The following CES1 variants were observed in gnomAD, a reference collection of about 807,000 sequenced individuals.
The protein encoded by CES1 is liver carboxylesterase 1.
CES1 carries 50 observed loss-of-function variants against 53.0 expected under a neutral mutation model. That is an observed-to-expected ratio of 0.94 (90% CI 0.75 to 1.19). The LOEUF is 1.19. Ranked by LOEUF, CES1 falls within the 50% of genes most tolerant of loss-of-function variation. CES1 has a pLI of 0.00. For synonymous variants in CES1, 202 were observed against 210.1 expected, an observed-to-expected ratio of 0.96 and a Z score of 0.33; for missense variants, 534 against 538.0, an observed-to-expected ratio of 0.99 and a Z score of 0.07.
At chr16:55,810,203 C>T (rs541833700) in intron 11 of CES1, among the ~76,000 whole-genome samples, 4 of 152,296 alleles carry the variant, frequency 2.6e-5, no homozygotes, top group African/African-American at 9.6e-5. Context: ...CTCCAGTTGT[C>T]CACAGTGGAT....
chr16:55,810,657 G>A lies in CES1; in HGVS notation c.1178C>T (p.Ala393Val). ...LWKSYPLVCI[A>V]KELIPEATEK... ...AGTGGCTTCTGGAATCAGTTCCTTA[G>A]CAATGCACTGAAATAGATCAAAAAG... Residue 393 changes from alanine to valine, a missense_variant, in exon 11 of 14, where the codon GCT becomes GTT. Ala to Val is a moderately conservative substitution (Grantham distance 64, BLOSUM62 0). This residue lies in a region of CES1 where 269 missense variants were observed against 206.6 expected (regional missense o/e 1.30). Transcript: ENST00000360526. The A allele has an allele frequency of 6.2e-7, 1 of 1,614,100 alleles. No homozygotes were observed. Among genetic ancestry groups the A allele is most frequent in the Non-Finnish European group, 8.5e-7 (1 of 1,180,006 alleles).
chr16:55,810,786 A>G, intron 10 of CES1, 122 bp from the exon 11 acceptor site: 2 of 1,444,140 alleles, frequency 1.4e-6, no homozygotes, highest in South Asian at 1.1e-5. Context: ...GCTAGGGTGG[A>G]AAATGAAGTG....
At chr16:55,811,281 C>T (rs1477442865) in intron 9 of CES1, among the ~76,000 whole-genome samples, 48 of 149,902 alleles carry the variant, frequency 3.2e-4, no homozygotes, top group African/African-American at 6.1e-4. Context: ...TGTGTGCGCG[C>T]GTGTGTGTGT....
intron 2 of CES1, chr16:55,827,956 T>C (rs2032482559): frequency 6.6e-6 from 1 of 152,264 alleles, no homozygotes; most frequent in Non-Finnish European, 1.5e-5. Context: ...ATTTTCTTAC[T>C]TTCCTTTCTC....
At chr16:55,832,625 AC>A (rs1456185630) in intron 1 of CES1, among the ~76,000 whole-genome samples, 1 of 152,160 alleles carries the variant, frequency 6.6e-6, no homozygotes, top group Non-Finnish European at 1.5e-5. Flanking sequence ...ACTCGAACCC[AC>A]GCACTCTGGC....
chr16:55,811,012 T>TTA lies in CES1; in HGVS notation c.1087-3_1087-2insTA, dbSNP rs1555511768. 7.1e-7 allele frequency: 1 copy of TTA among 1,408,800 alleles called. No individual in the cohort carries two copies. The highest frequency in any genetic ancestry group is 1.7e-5 in the African/African-American group (1 of 59,806). 87.3% of individuals were successfully genotyped at this position (1,408,800 alleles called of 1,614,324 possible). ...GGAGAGTGGATAGCTCATCAACTGC[T>TTA]AAAAAAAAAAAAAAGTTCAGCATTT... is the stretch of plus-strand genomic sequence containing the variant. On this transcript the variant is annotated splice_polypyrimidine_tract_variant and splice_region_variant and intron_variant, in intron 9 of 13. Transcript: ENST00000360526.
intron 1 of CES1, 116 bp from the exon 2 acceptor site, chr16:55,829,090 G>A: frequency 8.7e-7 from 1 of 1,151,270 alleles, no homozygotes; most frequent in Non-Finnish European, 1.3e-6. Context: ...AAACCCTCTA[G>A]GCCTCAGTTT....
intron 8 of CES1, among the ~76,000 whole-genome samples, chr16:55,813,675 C>T (rs1418966990): frequency 6.6e-6 from 1 of 152,166 alleles, no homozygotes; most frequent in Non-Finnish European, 1.5e-5. Flanking sequence ...GCCAGCAGCA[C>T]TGCAGCTCCT....
At chr16:55,828,573 C>A (rs2032506591) in intron 2 of CES1, among the ~76,000 whole-genome samples, 194 bp downstream of exon 2, 1 of 152,112 alleles carries the variant, frequency 6.6e-6, no homozygotes, top group Non-Finnish European at 1.5e-5. Context: ...ACACGCCTGG[C>A]ACACAGCAGG....
At chr16:55,819,265 T>C (rs1328431249) in intron 7 of CES1, among the ~76,000 whole-genome samples, 7 of 152,246 alleles carry the variant, frequency 4.6e-5, no homozygotes, top group Admixed American at 4.6e-4. Context: ...TTTAATTTCT[T>C]AAAAATACAT....
intron 9 of CES1, 95 bp from the exon 10 acceptor site, chr16:55,811,105 T>A: frequency 9.6e-7 from 1 of 1,036,808 alleles, no homozygotes; most frequent in Non-Finnish European, 1.5e-6. Flanking sequence ...AGTCTGAAAG[T>A]CCTCTAATTA....
chr16:55,811,071 C>T, intron 9 of CES1, 61 bp from the exon 10 acceptor site: 1 of 1,392,600 alleles, frequency 7.2e-7, no homozygotes, highest in East Asian at 2.3e-5. Context: ...AAGAAACAAA[C>T]TGACCAACCA....
At chr16:55,824,335 C>T (rs1167288562) in intron 3 of CES1, among the ~76,000 whole-genome samples, 1 of 152,280 alleles carries the variant, frequency 6.6e-6, no homozygotes, top group Admixed American at 6.5e-5. Context: ...AGAGTGGATA[C>T]AATTCCTCAT....
Position 55,811,395 on chromosome 16 carries a change from C to T in CES1, c.1087-385G>A, listed in dbSNP as rs117067158. ...GGGCTCTGGGGAAGAGGATGTAGAC[C>T]TCCCTAGTACCCCCACCTGTCACAG... is the stretch of plus-strand genomic sequence containing the variant. On this transcript the variant is annotated intron_variant, in intron 9 of 13. Transcript: ENST00000360526. Among the ~76,000 whole-genome samples the T allele has an allele frequency of 5.3e-4, 81 of 152,154 alleles. 1 individual carries two copies. Among genetic ancestry groups the T allele is most frequent in the South Asian group, 1.7e-3 (8 of 4,822 alleles).
intron 9 of CES1, 111 bp from the exon 10 acceptor site, chr16:55,811,121 G>C (rs563032675): frequency 3.5e-6 from 3 of 864,204 alleles, no homozygotes; most frequent in Non-Finnish European, 5.7e-6. Flanking sequence ...AATTATGGGG[G>C]CTTTTAAGGG....
At chr16:55,828,320 G>A (rs2032496323) in intron 2 of CES1, 14 of 321,274 alleles carry the variant, frequency 4.4e-5, no homozygotes, top group South Asian at 3.9e-4. Flanking sequence ...CACACCTCCT[G>A]GCCCACTCCT....
chr16:55,813,277 T>C (rs1181188908), intron 8 of CES1, among the ~76,000 whole-genome samples: 1 of 152,232 alleles, frequency 6.6e-6, no homozygotes, highest in Non-Finnish European at 1.5e-5. Flanking sequence ...TTCACTCATA[T>C]TGAAATACAT....
chr16:55,812,972 T>C lies in CES1; in HGVS notation c.1017A>G (p.Glu339=), dbSNP rs762169617. ...TGTAGGGGACAGTGTGGAAATTCCT[T>C]TCAGCTTGAAGCTCTTCAGGTGTTT... ...LLKTPEELQA[E]RNFHTVPYMV... Residue 339 remains glutamate (E), a synonymous_variant, in exon 9 of 14, where the codon GAA becomes GAG. Transcript: ENST00000360526. 1.2e-6 allele frequency: 2 copies of C among 1,614,042 alleles called. No individual in the cohort carries two copies. Among genetic ancestry groups the C allele is most frequent in the Non-Finnish European group, 1.7e-6 (2 of 1,179,946 alleles).
In CES1 at chr16:55,810,656, AGCAAT is replaced by A; in HGVS notation, c.1174_1178del (p.Ile392Ter). On this transcript the variant is annotated frameshift_variant, in exon 11 of 14. Coordinates refer to ENST00000360526, the MANE Select transcript of CES1 (RefSeq NM_001025195.2). LOFTEE classifies it high-confidence loss of function. Reference sequence around the variant, plus strand: ...CAGTGGCTTCTGGAATCAGTTCCTTAGCAATGCACTGAAATAGATCAAAAAGTGAC... The same window carrying A: ...CAGTGGCTTCTGGAATCAGTTCCTTAGCACTGAAATAGATCAAAAAGTGAC... The A allele has an allele frequency of 6.2e-7, 1 of 1,614,144 alleles. No homozygotes were observed. Among genetic ancestry groups the A allele is most frequent in the East Asian group, 2.2e-5 (1 of 44,888 alleles).
Sources: allele counts gnomAD v4.1 joint callset (sites outside exome capture counted in the v4.1 genomes callset), GRCh38; gene constraint gnomAD v4.1.1; regional missense constraint gnomAD v4.1.1; transcripts MANE v1.5; gene names NCBI Gene and HGNC (gene_info 2026-07-23, HGNC 2026-07-21).